Variants in CLTC observed in about 807,000 individuals in gnomAD.
CLTC encodes the protein clathrin heavy chain 1.
In CLTC, 16 loss-of-function variants were observed where a neutral mutation model predicts 195.8. That is an observed-to-expected ratio of 0.08 (90% CI 0.06 to 0.12). The LOEUF is 0.12. Among genes scored for constraint, CLTC ranks in the 10% least tolerant of loss-of-function variants. CLTC has a pLI of 1.00. For synonymous variants in CLTC, 667 were observed against 689.4 expected (o/e 0.97, Z 0.51); for missense variants, 796 against 2,027.0 (o/e 0.39, Z 11.66).
intron 1 of CLTC, among the ~76,000 whole-genome samples, chr17:59,630,731 C>T (rs1247868801): frequency 2.0e-5 from 3 of 152,234 alleles, no homozygotes; most frequent in Non-Finnish European, 4.4e-5. Flanking sequence ...ATATATCAGA[C>T]TTCATTCCTT....
chr17:59,667,015 A>G (rs770879148), intron 13 of CLTC, 38 bp downstream of exon 13: 1 of 1,537,144 alleles, frequency 6.5e-7, no homozygotes. Context: ...AAAAGTACTT[A>G]AGGTAGCCAA....
chr17:59,696,352 A>G lies in CLTC; in HGVS notation c.*2500A>G, dbSNP rs2033424194. 4.5e-6 allele frequency: 1 copy of G among 220,572 alleles called. No homozygotes were observed. The highest frequency in any genetic ancestry group is 9.1e-6 in the Non-Finnish European group (1 of 110,264). The allele number at this position is 220,572 out of a possible 1,614,324, so 13.7% of individuals were successfully genotyped here. A position where few individuals can be genotyped will look rare whatever the true frequency, so the allele number is the denominator to read the frequency against. ...AGTGTTCTGCCCACAATACTCCACC[A>G]ATGACCTTAGACCTTGAGATGGTGC... is the stretch of plus-strand genomic sequence containing the variant. On this transcript the variant is annotated 3_prime_UTR_variant, in exon 32 of 32. Coordinates refer to ENST00000269122, the MANE Select transcript of CLTC (RefSeq NM_004859.4).
In CLTC at chr17:59,685,307, G is replaced by A; in HGVS notation, c.4605+81G>A. 7.4e-7 allele frequency: 1 copy of A among 1,350,408 alleles called. No individual in the cohort carries two copies. Among genetic ancestry groups the A allele is most frequent in the Non-Finnish European group, 9.9e-7 (1 of 1,005,670 alleles). The allele number at this position is 1,350,408 out of a possible 1,614,324, so 83.7% of individuals were successfully genotyped here. ...AAGTGATTATAATCTATAAATAAAA[G>A]TATTGGTTTTGTGAATATGAGAGCT... On this transcript the variant is annotated intron_variant, in intron 29 of 31. Transcript: ENST00000269122. This position sits in a 1 kb window ranked among gnomAD's most constrained non-coding sequence, Gnocchi z 5.0.
chr17:59,625,628 A>G (rs765367060), intron 1 of CLTC, among the ~76,000 whole-genome samples: 1 of 152,196 alleles, frequency 6.6e-6, no homozygotes, highest in African/African-American at 2.4e-5. Context: ...AGCCTGGGTA[A>G]CAGAGTTAAG....
chr17:59,664,769 G>A lies in CLTC; in HGVS notation c.1522-18G>A, dbSNP rs1199102695. ...ATTGAAACTTAGGAGCAGCGTTTAA[G>A]TCTTTGTTTGTTTATAGGTTGGATA... On this transcript the variant is annotated intron_variant, in intron 9 of 31. Transcript: ENST00000269122. The A allele has an allele frequency of 1.9e-6, 3 of 1,611,546 alleles. No individual in the cohort carries two copies. The highest frequency in any genetic ancestry group is 2.5e-6 in the Non-Finnish European group (3 of 1,178,444).
At chr17:59,663,705 C>T (rs1311241724) in intron 8 of CLTC, 137 bp from the exon 9 acceptor site, 4 of 644,700 alleles carry the variant, frequency 6.2e-6, no homozygotes, top group African/African-American at 1.9e-5. Context: ...CCAACCACAA[C>T]CCCTGCATAT....
Position 59,681,143 on chromosome 17 carries a change from T to A in CLTC, c.3065+86T>A. ...TCAGTTTTGGGAAGGAACAAAAAGATCAGAGAAAGTTGCCTGAATTCTCAC... is the reference window on the plus strand; with the variant it reads ...TCAGTTTTGGGAAGGAACAAAAAGAACAGAGAAAGTTGCCTGAATTCTCAC... On this transcript the variant is annotated intron_variant, in intron 19 of 31. Coordinates refer to ENST00000269122, the MANE Select transcript of CLTC (RefSeq NM_004859.4). This position sits in a 1 kb window ranked among gnomAD's most constrained non-coding sequence, Gnocchi z 5.0. The A allele has an allele frequency of 1.3e-6, 2 of 1,513,068 alleles. No homozygotes were observed. The highest frequency in any genetic ancestry group is 1.8e-6 in the Non-Finnish European group (2 of 1,116,864). The allele number at this position is 1,513,068 out of a possible 1,614,324, so 93.7% of individuals were successfully genotyped here. A position where few individuals can be genotyped will look rare whatever the true frequency, so the allele number is the denominator to read the frequency against.
chr17:59,650,483 C>CTTTTTT (rs35425747), intron 4 of CLTC, among the ~76,000 whole-genome samples: 21 of 116,834 alleles, frequency 1.8e-4, no homozygotes, highest in Non-Finnish European at 3.0e-4. Flanking sequence ...ATTCAGATGA[C>CTTTTTT]TTTTTTTTTT....
chr17:59,638,685 G>C (rs1011201325), intron 1 of CLTC, among the ~76,000 whole-genome samples: 1 of 152,094 alleles, frequency 6.6e-6, no homozygotes, highest in African/African-American at 2.4e-5. Context: ...TAGGGTTCGC[G>C]TGCCTATGAG....
chr17:59,666,402 C>T lies in CLTC; in HGVS notation c.1783-78C>T. On this transcript the variant is annotated intron_variant, in intron 11 of 31. Coordinates refer to ENST00000269122, the MANE Select transcript of CLTC (RefSeq NM_004859.4). This position sits in a 1 kb window ranked among gnomAD's most constrained non-coding sequence, Gnocchi z 4.9. ...GTACTTTAACAGTTCACTATTAAAC[C>T]TTAATCTGTAATACGGATATTGAAT... is the stretch of plus-strand genomic sequence containing the variant. The T allele has an allele frequency of 6.5e-7, 1 of 1,539,226 alleles. No individual in the cohort carries two copies. The highest frequency in any genetic ancestry group is 1.7e-4 in the Middle Eastern group (1 of 5,746).
chr17:59,620,786 C>A (rs1261610117), intron 1 of CLTC, among the ~76,000 whole-genome samples: 1 of 152,062 alleles, frequency 6.6e-6, no homozygotes, highest in African/African-American at 2.4e-5. Flanking sequence ...ACTGAAAGAA[C>A]GGAACGAGGG....
Position 59,693,808 on chromosome 17 carries a change from C to T in CLTC, c.4984C>T (p.Pro1662Ser). The change falls in exon 32 of 32, where the codon CCA becomes TCA. Residue 1662 changes from proline (P) to serine (S), a missense_variant. Coordinates refer to ENST00000269122, the MANE Select transcript of CLTC (RefSeq NM_004859.4). ...ACCTTTTGGTTATGGTTATACCGCA[C>T]CACCGTATGGACAGCCACAGCCTGG... ...QAPFGYGYTA[P>S]PYGQPQPGFG... 6.2e-7 allele frequency: 1 copy of T among 1,613,610 alleles called. No homozygotes were observed. The highest frequency in any genetic ancestry group is 1.1e-5 in the South Asian group (1 of 91,044).
Position 59,683,765 on chromosome 17 carries a change from ATAAT to A in CLTC, c.4323+11_4323+14del. The A allele has an allele frequency of 6.2e-7, 1 of 1,614,158 alleles. No individual in the cohort carries two copies. The highest frequency in any genetic ancestry group is 2.2e-5 in the East Asian group (1 of 44,866). On this transcript the variant is annotated intron_variant, in intron 27 of 31. Coordinates refer to ENST00000269122, the MANE Select transcript of CLTC (RefSeq NM_004859.4). This position sits in a 1 kb window ranked among gnomAD's most constrained non-coding sequence, Gnocchi z 6.1. Reference sequence around the variant, plus strand: ...TCAATTATTTCAGCAAGGTAAAGTAATAATTTTAAACCAAAGCTTCATAGCAAGG... The same window carrying A: ...TCAATTATTTCAGCAAGGTAAAGTAATTTAAACCAAAGCTTCATAGCAAGG...
At chr17:59,661,401 C>G in intron 7 of CLTC, 42 bp from the exon 8 acceptor site, 1 of 1,509,476 alleles carries the variant, frequency 6.6e-7, no homozygotes, top group Non-Finnish European at 9.2e-7. Flanking sequence ...ATTTCTCCTT[C>G]TTACACTTTC....
At position 59,682,551 on chromosome 17, in the gene CLTC, T is replaced by C. The variant is rs1473208428; in HGVS notation, c.3601-78T>C. On this transcript the variant is annotated intron_variant, in intron 22 of 31. Transcript: ENST00000269122. This position sits in a 1 kb window ranked among gnomAD's most constrained non-coding sequence, Gnocchi z 6.8. ...TATAGGAAAACAAATTCTTTCTCAT[T>C]GTGAAGATATCAATTTGAAAAGAGG... is the stretch of plus-strand genomic sequence containing the variant. 1 of 1,581,738 alleles carries C rather than the reference T, an allele frequency of 6.3e-7. No individual in the cohort carries two copies. The highest frequency in any genetic ancestry group is 8.6e-7 in the Non-Finnish European group (1 of 1,159,852).
At position 59,690,725 on chromosome 17, in the gene CLTC, G is replaced by A. The variant is rs755357552; in HGVS notation, c.4903+14G>A. The A allele has an allele frequency of 6.3e-7, 1 of 1,588,480 alleles. No homozygotes were observed. Among genetic ancestry groups the A allele is most frequent in the Non-Finnish European group, 8.6e-7 (1 of 1,159,960 alleles). On this transcript the variant is annotated intron_variant, in intron 31 of 31. Transcript: ENST00000269122. The stretch of plus-strand genomic sequence containing the variant: ...CCATTGTTTATGGTAATCTCTCTCT[G>A]TAACCTCAAAAAATTCATTAGACAA...
chr17:59,682,512 T>C lies in CLTC; in HGVS notation c.3600+84T>C. ...GATCAAAACATCATAACTGAAGAAT[T>C]CCAAGGAAAAATCTATAGGAAAACA... On this transcript the variant is annotated intron_variant, in intron 22 of 31. Coordinates refer to ENST00000269122, the MANE Select transcript of CLTC (RefSeq NM_004859.4). This position sits in a 1 kb window ranked among gnomAD's most constrained non-coding sequence, Gnocchi z 6.8. The C allele has an allele frequency of 6.3e-7, 1 of 1,582,030 alleles. No individual in the cohort carries two copies. The highest frequency in any genetic ancestry group is 8.6e-7 in the Non-Finnish European group (1 of 1,161,356).
intron 5 of CLTC, among the ~76,000 whole-genome samples, chr17:59,652,360 C>A (rs765659083): frequency 1.8e-4 from 27 of 152,150 alleles, no homozygotes; most frequent in Non-Finnish European, 3.5e-4. Flanking sequence ...TGTGGTGAAT[C>A]CTTTCCAGAT....
At chr17:59,628,648 G>A (rs1398538782) in intron 1 of CLTC, among the ~76,000 whole-genome samples, 2 of 152,126 alleles carry the variant, frequency 1.3e-5, no homozygotes, top group East Asian at 3.8e-4. Flanking sequence ...TTGAAACTGG[G>A]AGTCATAGAA....
Sources: gnomAD v4.1 joint callset for allele counts (sites outside exome capture counted in the v4.1 genomes callset) on GRCh38, gnomAD v4.1.1 for gene constraint, Gnocchi (gnomAD v3.1) non-coding constraint, MANE v1.5 for transcripts, NCBI Gene and HGNC (gene_info 2026-07-23, HGNC 2026-07-21) for gene names.